The following ST8SIA6 variants were observed in gnomAD, a reference collection of about 807,000 sequenced individuals.
ST8SIA6 encodes the protein alpha-2,8-sialyltransferase 8F.
A neutral mutation model predicts 33.6 loss-of-function variants in ST8SIA6; 39 were observed. That is an observed-to-expected ratio of 1.16 (90% confidence interval 0.90 to 1.52). The LOEUF is 1.52. Among genes scored for constraint, ST8SIA6 ranks in the 40% most tolerant of loss-of-function variants. The pLI, the probability that ST8SIA6 is intolerant of heterozygous loss-of-function variation, is 0.00. For synonymous variants in ST8SIA6, 172 were observed against 167.2 expected (o/e 1.03, Z -0.22); for missense variants, 441 against 443.8 (o/e 0.99, Z 0.06).
At chr10:17,343,481 G>A (rs1848737585) in intron 4 of ST8SIA6, among the ~76,000 whole-genome samples, 1 of 152,158 alleles carries the variant, frequency 6.6e-6, no homozygotes, top group African/African-American at 2.4e-5. Flanking sequence ...GATGTTATTG[G>A]TACCTGCAGA....
At chr10:17,384,237 C>A (rs1463600159) in intron 3 of ST8SIA6, among the ~76,000 whole-genome samples, 1 of 148,884 alleles carries the variant, frequency 6.7e-6, no homozygotes, top group Non-Finnish European at 1.5e-5. Flanking sequence ...GGCACAGTAC[C>A]CCCAGGATAA....
chr10:17,394,241 G>C (rs980378203), intron 2 of ST8SIA6, among the ~76,000 whole-genome samples: 2 of 151,930 alleles, frequency 1.3e-5, no homozygotes. Flanking sequence ...TAGAAGTGAA[G>C]GTGACGGAAT....
intron 3 of ST8SIA6, among the ~76,000 whole-genome samples, chr10:17,387,435 G>C (rs1205898341): frequency 8.7e-6 from 1 of 114,374 alleles, no homozygotes; most frequent in Non-Finnish European, 1.9e-5. Context: ...GTTTTTAGTC[G>C]GGGCGGTGGG....
chr10:17,335,241 C>T (rs1184933467), intron 4 of ST8SIA6, among the ~76,000 whole-genome samples: 1 of 152,186 alleles, frequency 6.6e-6, no homozygotes, highest in African/African-American at 2.4e-5. Context: ...AAGCCAGATC[C>T]AGTCATAAGA....
chr10:17,446,095 C>T (rs972092561), intron 2 of ST8SIA6, among the ~76,000 whole-genome samples: 7 of 151,876 alleles, frequency 4.6e-5, no homozygotes, highest in African/African-American at 1.7e-4. Flanking sequence ...GTATATGGCT[C>T]TGGTATCCAT....
chr10:17,443,411 C>G (rs1472491294), intron 2 of ST8SIA6, among the ~76,000 whole-genome samples: 3 of 152,206 alleles, frequency 2.0e-5, no homozygotes, highest in Non-Finnish European at 4.4e-5. Flanking sequence ...AATTAATGGT[C>G]TCTTTACAAC....
Position 17,320,764 on chromosome 10 carries a change from C to T in ST8SIA6, c.*114G>A. 1 of 1,156,180 alleles carries T rather than the reference C, an allele frequency of 8.6e-7. No individual in the cohort carries two copies. The highest frequency in any genetic ancestry group is 1.2e-6 in the Non-Finnish European group (1 of 820,784). The allele number at this position is 1,156,180 out of a possible 1,614,324, so 71.6% of individuals were successfully genotyped here. A position where few individuals can be genotyped will look rare whatever the true frequency, so the allele number is the denominator to read the frequency against. On this transcript the variant is annotated 3_prime_UTR_variant, in exon 8 of 8. Coordinates refer to ENST00000377602, the MANE Select transcript of ST8SIA6 (RefSeq NM_001004470.3). ...ATGAGTGGGGAAGCTTTGGTCAAAC[C>T]AAATTTTGGGGCTCATCTCAAAATA...
intron 3 of ST8SIA6, among the ~76,000 whole-genome samples, chr10:17,365,459 C>T (rs191419420): frequency 6.6e-6 from 1 of 152,148 alleles, no homozygotes; most frequent in Non-Finnish European, 1.5e-5. Context: ...TAAATGGAAC[C>T]TTCCAGAAAT....
intron 3 of ST8SIA6, among the ~76,000 whole-genome samples, chr10:17,367,862 T>C (rs1303729081): frequency 6.6e-6 from 1 of 152,196 alleles, no homozygotes; most frequent in Non-Finnish European, 1.5e-5. Flanking sequence ...CCTGCTAAGA[T>C]TCTTAAACCA....
intron 6 of ST8SIA6, among the ~76,000 whole-genome samples, chr10:17,323,781 A>G (rs1187544690): frequency 6.6e-6 from 1 of 152,202 alleles, no homozygotes; most frequent in Non-Finnish European, 1.5e-5. Context: ...AGTTTAGAAG[A>G]GTTCCCAATC....
intron 3 of ST8SIA6, among the ~76,000 whole-genome samples, chr10:17,374,056 TA>T (rs1849812738): frequency 2.3e-5 from 3 of 132,230 alleles, no homozygotes; most frequent in African/African-American, 8.4e-5. Flanking sequence ...AGTTATCTTT[TA>T]ACATCAACAA....
intron 2 of ST8SIA6, among the ~76,000 whole-genome samples, chr10:17,441,353 C>T (rs1298754336): frequency 7.5e-6 from 1 of 134,138 alleles, no homozygotes; most frequent in Non-Finnish European, 1.5e-5. Context: ...TCGCTCGTTT[C>T]CCAGGCTGGA....
intron 2 of ST8SIA6, among the ~76,000 whole-genome samples, chr10:17,428,257 C>A (rs1390876755): frequency 6.6e-6 from 1 of 152,138 alleles, no homozygotes; most frequent in Admixed American, 6.5e-5. Context: ...GGTGCAGCCG[C>A]CATCGGCCCT....
Position 17,327,131 on chromosome 10 carries a change from C to G in ST8SIA6, c.523-5G>C. The G allele has an allele frequency of 6.3e-7, 1 of 1,588,406 alleles. No individual in the cohort carries two copies. The highest frequency in any genetic ancestry group is 8.5e-7 in the Non-Finnish European group (1 of 1,169,616). Reference sequence around the variant, plus strand: ...GTAGTCCACAAAAGGCTGGGACTAGCAGGAGAAAGTGGAAAACTACCATGA... The same window carrying G: ...GTAGTCCACAAAAGGCTGGGACTAGGAGGAGAAAGTGGAAAACTACCATGA... On this transcript the variant is annotated splice_region_variant and splice_polypyrimidine_tract_variant and intron_variant, in intron 5 of 7. Transcript: ENST00000377602.
chr10:17,350,184 G>A (rs1848984330), intron 4 of ST8SIA6, among the ~76,000 whole-genome samples: 1 of 152,204 alleles, frequency 6.6e-6, no homozygotes. Flanking sequence ...ATTCATCGTG[G>A]TTCATGGTGA....
intron 5 of ST8SIA6, 53 bp downstream of exon 5, chr10:17,331,350 TAAAAG>T: frequency 6.5e-7 from 1 of 1,542,160 alleles, no homozygotes; most frequent in Non-Finnish European, 8.7e-7. Context: ...CAGCTTAAAG[TAAAAG>T]AAAATTCACC....
At chr10:17,396,327 T>A (rs1381261944) in intron 2 of ST8SIA6, among the ~76,000 whole-genome samples, 1 of 152,186 alleles carries the variant, frequency 6.6e-6, no homozygotes, top group African/African-American at 2.4e-5. Flanking sequence ...ATGCGGGTGG[T>A]TTGGTGCCTT....
intron 4 of ST8SIA6, among the ~76,000 whole-genome samples, chr10:17,341,726 C>G (rs1367922134): frequency 6.6e-6 from 1 of 151,424 alleles, no homozygotes; most frequent in Non-Finnish European, 1.5e-5. Flanking sequence ...TGGTGAAACC[C>G]CCATCTCTAC....
chr10:17,415,511 T>G (rs1045694744), intron 2 of ST8SIA6, among the ~76,000 whole-genome samples: 8 of 152,056 alleles, frequency 5.3e-5, no homozygotes, highest in Admixed American at 3.3e-4. Flanking sequence ...TCCCTAAAAC[T>G]CATTTACTCC....
Sources: gnomAD v4.1 joint callset for allele counts (sites outside exome capture counted in the v4.1 genomes callset) on GRCh38, gnomAD v4.1.1 for gene constraint, MANE v1.5 for transcripts, NCBI Gene and HGNC (gene_info 2026-07-23, HGNC 2026-07-21) for gene names.